Variants in EYS observed in about 807,000 individuals in gnomAD.
EYS encodes EGF-like photoreceptor maintenance factor.
In EYS, 250 loss-of-function variants were observed where a neutral mutation model predicts 282.1. The observed-to-expected ratio is 0.89, with a 90% CI of 0.80 to 0.98. The LOEUF (loss-of-function observed/expected upper bound fraction) is 0.98, where lower values mean the gene tolerates loss of function less well. EYS is among the 50% of genes least tolerant of loss of function. The pLI is 0.00. For missense variants in EYS, 4,016 were observed against 3,709.0 expected, an observed-to-expected ratio of 1.08 and a Z score of -2.15; for synonymous variants, 1,355 against 1,282.9, an observed-to-expected ratio of 1.06 and a Z score of -1.20.
intron 26 of EYS, 102 bp downstream of exon 26, chr6:64,590,121 T>C: frequency 2.0e-6 from 2 of 987,730 alleles, no homozygotes; most frequent in African/African-American, 1.6e-5. Flanking sequence ...CTGATTACAA[T>C]GAGGCTGTTC....
At chr6:64,584,860 A>C (rs1766182763) in intron 26 of EYS, among the ~76,000 whole-genome samples, 1 of 152,124 alleles carries the variant, frequency 6.6e-6, no homozygotes, top group South Asian at 2.1e-4. Flanking sequence ...GTACTATAAA[A>C]TGTACTCACT....
intron 5 of EYS, among the ~76,000 whole-genome samples, chr6:65,474,513 G>C (rs527898913): frequency 5.9e-5 from 9 of 152,130 alleles, no homozygotes; most frequent in African/African-American, 2.2e-4. Context: ...ACAGCTCATT[G>C]TCTCTATTGA....
At chr6:64,275,835 G>A (rs985149607) in intron 30 of EYS, among the ~76,000 whole-genome samples, 1 of 151,738 alleles carries the variant, frequency 6.6e-6, no homozygotes, top group Non-Finnish European at 1.5e-5. Flanking sequence ...CGTGGTGGCG[G>A]GCACCTATAG....
At chr6:64,599,090 G>C (rs1406225892) in intron 24 of EYS, among the ~76,000 whole-genome samples, 1 of 152,314 alleles carries the variant, frequency 6.6e-6, no homozygotes, top group East Asian at 1.9e-4. Flanking sequence ...TTAGAAACCA[G>C]ATAATGTGGC....
At chr6:65,334,202 T>C (rs1769897004) in intron 11 of EYS, among the ~76,000 whole-genome samples, 1 of 151,820 alleles carries the variant, frequency 6.6e-6, no homozygotes, top group African/African-American at 2.4e-5. Context: ...TTTTTCATTG[T>C]AATTATTCTA....
chr6:65,216,034 T>C (rs1304854078), intron 12 of EYS, among the ~76,000 whole-genome samples: 1 of 130,874 alleles, frequency 7.6e-6, no homozygotes, highest in Non-Finnish European at 1.6e-5. Flanking sequence ...GTAATTTCAA[T>C]GTAAGTCTTC....
chr6:63,863,663 C>CTTTTTTTTTTTTT lies in EYS; in HGVS notation c.7228+522_7228+523insAAAAAAAAAAAAA, dbSNP rs1436358110. On this transcript the variant is annotated intron_variant, in intron 36 of 42. Transcript: ENST00000503581. ...TTTTTCTTTTCTTTTCTTTTCTTTT[C>CTTTTTTTTTTTTT]TTTTCTTTTTTCTTTTTTTTTTTTT... Among the ~76,000 whole-genome samples the CTTTTTTTTTTTTT allele has an allele frequency of 5.4e-5, 3 of 55,792 alleles. 1 individual carries two copies. The highest frequency in any genetic ancestry group is 1.3e-4 in the African/African-American group (2 of 15,182). 36.6% of individuals were successfully genotyped at this position (55,792 alleles called of 152,430 possible). A position where few individuals can be genotyped will look rare whatever the true frequency, so the allele number is the denominator to read the frequency against.
intron 32 of EYS, among the ~76,000 whole-genome samples, chr6:64,068,529 A>G (rs1771458777): frequency 6.6e-6 from 1 of 150,762 alleles, no homozygotes; most frequent in African/African-American, 2.4e-5. Flanking sequence ...GGGACGGGGG[A>G]GGGATAGCAT....
chr6:65,637,761 G>A (rs1353251986), intron 2 of EYS, among the ~76,000 whole-genome samples: 1 of 152,166 alleles, frequency 6.6e-6, no homozygotes, highest in Non-Finnish European at 1.5e-5. Flanking sequence ...CCAGCTCCCT[G>A]CTGCCTCAGC....
chr6:64,957,015 G>C (rs570705894), intron 14 of EYS, among the ~76,000 whole-genome samples: 2 of 152,216 alleles, frequency 1.3e-5, no homozygotes, highest in South Asian at 4.1e-4. Context: ...AACAATTTGA[G>C]GTTCCTCAAA....
chr6:65,024,690 A>G (rs1772347772), intron 13 of EYS, among the ~76,000 whole-genome samples: 2 of 152,240 alleles, frequency 1.3e-5, no homozygotes, highest in African/African-American at 4.8e-5. Context: ...TTTGATAAAT[A>G]TGATTCCATT....
At chr6:65,610,089 G>A (rs1404167061) in intron 2 of EYS, among the ~76,000 whole-genome samples, 1 of 151,786 alleles carries the variant, frequency 6.6e-6, no homozygotes, top group African/African-American at 2.4e-5. Flanking sequence ...TTTATTTTTT[G>A]TAGAGACAGT....
chr6:64,661,225 G>T lies in EYS; in HGVS notation c.3444-34980C>A, dbSNP rs111628210. On this transcript the variant is annotated intron_variant, in intron 22 of 42. Transcript: ENST00000503581. ...CTGGATCCTGTCCTTACACCTTATA[G>T]GAAAATTAATTCAAGATGGATTAGA... Among the ~76,000 whole-genome samples the T allele has an allele frequency of 1.1e-4, 17 of 151,994 alleles. No individual in the cohort carries two copies. The East Asian group carries it at 1.4e-3, about 12-fold the overall frequency.
At chr6:65,550,154 T>TATC (rs1562254272) in intron 2 of EYS, among the ~76,000 whole-genome samples, 20 of 8,538 alleles carry the variant, frequency 2.3e-3, no homozygotes, top group African/African-American at 0.011. Context: ...TTTTTTTTTT[T>TATC]TTTTTTTTTT....
intron 1 of EYS, among the ~76,000 whole-genome samples, chr6:65,641,021 T>C (rs1767257656): frequency 6.6e-6 from 1 of 152,222 alleles, no homozygotes; most frequent in Non-Finnish European, 1.5e-5. Flanking sequence ...TCCTGTATTT[T>C]CCTTTTATTT....
chr6:64,733,071 A>C (rs956139532), intron 22 of EYS: 2 of 152,078 alleles, frequency 1.3e-5, no homozygotes, highest in Non-Finnish European at 2.9e-5. Context: ...ACCAGATAGG[A>C]CTCTCCTGCT....
intron 12 of EYS, among the ~76,000 whole-genome samples, chr6:65,076,177 A>C (rs933383617): frequency 6.6e-6 from 1 of 152,022 alleles, no homozygotes; most frequent in African/African-American, 2.4e-5. Flanking sequence ...AATGTCTAAA[A>C]ATTTGAAATA....
At chr6:64,182,277 A>C (rs1011056012) in intron 31 of EYS, among the ~76,000 whole-genome samples, 1 of 152,118 alleles carries the variant, frequency 6.6e-6, no homozygotes, top group Non-Finnish European at 1.5e-5. Context: ...ATTCATTTAC[A>C]ATCACCCAGA....
intron 12 of EYS, among the ~76,000 whole-genome samples, chr6:65,095,376 G>T (rs1388391991): frequency 6.6e-6 from 1 of 150,604 alleles, no homozygotes; most frequent in Non-Finnish European, 1.5e-5. Flanking sequence ...TATATTGTAT[G>T]ATTGAAAGTT....
Sources: allele counts gnomAD v4.1 joint callset (sites outside exome capture counted in the v4.1 genomes callset), GRCh38; gene constraint gnomAD v4.1.1; transcripts MANE v1.5; gene names NCBI Gene and HGNC (gene_info 2026-07-23, HGNC 2026-07-21).